HNMT: variants seen among roughly 807,000 people sequenced by gnomAD.
HNMT encodes histamine N-methyltransferase.
A neutral mutation model predicts 32.1 loss-of-function variants in HNMT; 30 were observed. That is an observed-to-expected ratio of 0.93 (90% CI 0.70 to 1.27). HNMT has a LOEUF of 1.27. Ranked by LOEUF, HNMT falls within the 50% of genes most tolerant of loss-of-function variation. The pLI is 0.00. For missense variants in HNMT, 327 were observed against 346.0 expected, an observed-to-expected ratio of 0.95 and a Z score of 0.43; for synonymous variants, 125 against 119.0, an observed-to-expected ratio of 1.05 and a Z score of -0.33.
At chr2:137,991,395 A>G (rs1387432854) in intron 2 of HNMT, among the ~76,000 whole-genome samples, 2 of 152,226 alleles carry the variant, frequency 1.3e-5, no homozygotes, top group African/African-American at 4.8e-5. Context: ...ATTCTTCTTG[A>G]TCTCTCTGTG....
intron 2 of HNMT, among the ~76,000 whole-genome samples, chr2:137,978,789 TTA>T (rs1202417495): frequency 2.9e-5 from 4 of 139,494 alleles, no homozygotes; most frequent in African/African-American, 1.0e-4. Context: ...ATATAATACT[TTA>T]TAATTATGTA....
chr2:138,003,509 GTC>G (rs1284101538), intron 4 of HNMT, among the ~76,000 whole-genome samples: 10 of 152,092 alleles, frequency 6.6e-5, no homozygotes, highest in Admixed American at 1.3e-4. Context: ...GCAATTCTAT[GTC>G]TCTGCTTCTT....
chr2:137,972,625 C>T (rs1418363361), intron 2 of HNMT, among the ~76,000 whole-genome samples: 1 of 151,706 alleles, frequency 6.6e-6, no homozygotes, highest in East Asian at 1.9e-4. Flanking sequence ...ACTTTAAGTC[C>T]CCAAAATTAT....
intron 1 of HNMT, among the ~76,000 whole-genome samples, chr2:137,968,171 T>C (rs1473207341): frequency 2.0e-5 from 3 of 152,142 alleles, no homozygotes; most frequent in Non-Finnish European, 2.9e-5. Context: ...GGGCAGGGCT[T>C]GGGGGCAGGA....
intron 2 of HNMT, among the ~76,000 whole-genome samples, chr2:137,996,182 A>C (rs927025290): frequency 2.0e-5 from 3 of 152,246 alleles, no homozygotes; most frequent in Non-Finnish European, 2.9e-5. Context: ...GCAATCAAGC[A>C]ATAGAAACAA....
intron 2 of HNMT, among the ~76,000 whole-genome samples, chr2:137,994,699 C>A (rs1292823383): frequency 3.9e-5 from 6 of 152,170 alleles, no homozygotes; most frequent in African/African-American, 1.4e-4. Flanking sequence ...CTCTGTACCC[C>A]AAATCAACAG....
chr2:137,978,394 T>TTA (rs1258459485), intron 2 of HNMT, among the ~76,000 whole-genome samples: 12 of 145,906 alleles, frequency 8.2e-5, no homozygotes, highest in African/African-American at 3.0e-4. Context: ...TAATATAGTA[T>TTA]TATACAATAC....
intron 2 of HNMT, among the ~76,000 whole-genome samples, chr2:137,979,945 T>C (rs1680436875): frequency 6.6e-6 from 1 of 152,134 alleles, no homozygotes; most frequent in South Asian, 2.1e-4. Context: ...CTTCATCTCC[T>C]TCAGCTAAAC....
rs569030062 is a variant in HNMT, at chr2:137,982,415, C to T, written c.190+12198C>T. 1.1e-4 allele frequency among the ~76,000 whole-genome samples: 16 copies of T among 152,250 alleles called. No individual in the cohort carries two copies. In the East Asian group the frequency reaches 3.1e-3, roughly 29 times the overall value. On this transcript the variant is annotated intron_variant, in intron 2 of 5. Transcript: ENST00000280097. ...GTGTGAAAGCAGGATATTATAACCA[C>T]AAACATATCTGACTTTAAAATTAAG...
At position 137,981,444 on chromosome 2, in the gene HNMT, T is replaced by C. The variant is rs564156184; in HGVS notation, c.190+11227T>C. On this transcript the variant is annotated intron_variant, in intron 2 of 5. Coordinates refer to ENST00000280097, the MANE Select transcript of HNMT (RefSeq NM_006895.3). ...CCATGAAGCCTACTAGATCACACAG[T>C]TGAAAATTGCAAAGTCTTCACACCG... is the stretch of plus-strand genomic sequence containing the variant. 8.8e-6 allele frequency: 12 copies of C among 1,368,622 alleles called. No individual in the cohort carries two copies. The South Asian group carries it at 1.2e-4, about 14-fold the overall frequency. 84.8% of individuals were successfully genotyped at this position (1,368,622 alleles called of 1,614,324 possible).
intron 1 of HNMT, among the ~76,000 whole-genome samples, chr2:137,966,213 AT>A (rs1398872961): frequency 6.6e-6 from 1 of 152,108 alleles, no homozygotes; most frequent in African/African-American, 2.4e-5. Context: ...AGCCTATTAA[AT>A]TTTTATTAAA....
intron 2 of HNMT, among the ~76,000 whole-genome samples, chr2:138,000,036 C>T (rs992769620): frequency 1.3e-5 from 2 of 152,126 alleles, no homozygotes; most frequent in Non-Finnish European, 2.9e-5. Context: ...ATCTCTCTTA[C>T]ACTAACCCTT....
At chr2:138,008,904 T>C (rs1242678502) in intron 5 of HNMT, among the ~76,000 whole-genome samples, 1 of 151,962 alleles carries the variant, frequency 6.6e-6, no homozygotes, top group Non-Finnish European at 1.5e-5. Flanking sequence ...CATTGGCAAA[T>C]GGCATCTCAT....
chr2:138,010,960 C>T (rs1274956248), intron 5 of HNMT, among the ~76,000 whole-genome samples: 2 of 151,946 alleles, frequency 1.3e-5, no homozygotes, highest in African/African-American at 4.8e-5. Context: ...TCTGTCCTCT[C>T]CTTACCTGAG....
Position 138,000,975 on chromosome 2 carries a change from T to C in HNMT, c.248T>C (p.Ile83Thr), listed in dbSNP as rs1338662701. ...KVQAQYPGVC[I>T]NNEVVEPSAE... ...CAGGCTCAATACCCAGGAGTTTGTA[T>C]CAACAATGAAGTTGTTGAGCCAAGT... is the stretch of plus-strand genomic sequence containing the variant. The change falls in exon 3 of 6, where the codon ATC (isoleucine) becomes ACC (threonine). Residue 83 changes from isoleucine to threonine, a missense_variant. Ile to Thr is a moderately conservative substitution (Grantham distance 89). Transcript: ENST00000280097. 3 of 1,609,742 alleles carry C rather than the reference T, an allele frequency of 1.9e-6. No individual in the cohort carries two copies. The highest frequency in any genetic ancestry group is 1.7e-5 in the Admixed American group (1 of 59,328).
rs1179144967 is a variant in HNMT, at chr2:137,970,919, CAAA to C, written c.190+717_190+719del. Among the ~76,000 whole-genome samples the C allele has an allele frequency of 2.4e-3, 44 of 18,348 alleles. 1 individual carries two copies. The highest frequency in any genetic ancestry group is 9.7e-3 in the African/African-American group (44 of 4,536). 12.0% of individuals were successfully genotyped at this position (18,348 alleles called of 152,430 possible). On this transcript the variant is annotated intron_variant, in intron 2 of 5. Transcript: ENST00000280097. ...TGGGTGACAGAGCGAGACTACGTCT[CAAA>C]AAAAAAAAAAAAAAGAAAGAAAGAA... is the stretch of plus-strand genomic sequence containing the variant.
In HNMT at chr2:138,002,211, A is replaced by G. The variant is rs1681195304; in HGVS notation, c.429+17A>G. ...ATGATTCAAGTAAGAAATATGTATT[A>G]TAATATATACTCAGAAAGAAGACTT... On this transcript the variant is annotated intron_variant, in intron 4 of 5. Transcript: ENST00000280097. The G allele has an allele frequency of 1.4e-6, 2 of 1,459,672 alleles. No individual in the cohort carries two copies. Among genetic ancestry groups the G allele is most frequent in the Non-Finnish European group, 1.9e-6 (2 of 1,070,620 alleles). The allele number at this position is 1,459,672 out of a possible 1,614,324, so 90.4% of individuals were successfully genotyped here.
intron 2 of HNMT, among the ~76,000 whole-genome samples, chr2:137,970,534 C>A (rs1458368270): frequency 2.0e-5 from 3 of 152,140 alleles, no homozygotes; most frequent in African/African-American, 7.2e-5. Context: ...AGGAAAATCT[C>A]ATAATAAGCT....
chr2:137,969,790 A>T (rs1434399187), intron 1 of HNMT, among the ~76,000 whole-genome samples: 1 of 152,176 alleles, frequency 6.6e-6, no homozygotes, highest in East Asian at 1.9e-4. Flanking sequence ...AAAGAAGGCA[A>T]ACATTATAGA....
Sources: allele counts gnomAD v4.1 joint callset (sites outside exome capture counted in the v4.1 genomes callset), GRCh38; gene constraint gnomAD v4.1.1; transcripts MANE v1.5; gene names NCBI Gene and HGNC (gene_info 2026-07-23, HGNC 2026-07-21).